ACTR3C: variants seen among roughly 807,000 people sequenced by gnomAD.
The protein encoded by ACTR3C is actin-related protein 3C.
In ACTR3C, 18 loss-of-function variants were observed where a neutral mutation model predicts 26.3. The observed-to-expected ratio is 0.68, with a 90% CI of 0.47 to 1.01. The LOEUF is 1.01. ACTR3C is among the 50% of genes least tolerant of loss of function. The probability of loss-of-function intolerance (pLI) is 0.00; values close to 1 mark genes in which losing one functional copy is unlikely to be tolerated. For synonymous variants in ACTR3C, 55 were observed against 94.5 expected (o/e 0.58, Z 2.42); for missense variants, 184 against 250.7 (o/e 0.73, Z 1.80).
chr7:149,967,028 A>ATTTTTTTTTTT, the ACTR3C span, among the ~76,000 whole-genome samples: 18 of 64,716 alleles, frequency 2.8e-4, 2 homozygotes, highest in South Asian at 2.3e-3. Flanking sequence ...TGCACAGCTA[A>ATTTTTTTTTTT]TTTTTTTTTT....
intron 6 of ACTR3C, among the ~76,000 whole-genome samples, chr7:150,271,282 G>A (rs1366418496): frequency 1.4e-5 from 2 of 146,266 alleles, no homozygotes; most frequent in African/African-American, 5.4e-5. Context: ...GTGGTTTGCT[G>A]CACCCACCAA....
the ACTR3C span, among the ~76,000 whole-genome samples, chr7:150,173,409 T>C: frequency 4.8e-5 from 7 of 146,124 alleles, no homozygotes; most frequent in African/African-American, 1.9e-4. Flanking sequence ...ATGGCTGGAG[T>C]AACTGGGACA....
At chr7:149,896,797 C>T in the ACTR3C span, among the ~76,000 whole-genome samples, 1 of 151,916 alleles carries the variant, frequency 6.6e-6, no homozygotes, top group Non-Finnish European at 1.5e-5. Context: ...CGGTGGCTCA[C>T]GCCTGTAATC....
At chr7:150,168,543 C>A in the ACTR3C span, among the ~76,000 whole-genome samples, 1 of 150,700 alleles carries the variant, frequency 6.6e-6, no homozygotes, top group East Asian at 1.9e-4. Flanking sequence ...TAATAGAGAT[C>A]AAGTGCACAG....
At chr7:150,019,797 C>T in the ACTR3C span, among the ~76,000 whole-genome samples, 2 of 151,864 alleles carry the variant, frequency 1.3e-5, no homozygotes, top group East Asian at 3.9e-4. Context: ...AGATCCTGCA[C>T]GGTGAGAAGT....
At chr7:149,970,831 C>T in the ACTR3C span, among the ~76,000 whole-genome samples, 1 of 152,150 alleles carries the variant, frequency 6.6e-6, no homozygotes, top group African/African-American at 2.4e-5. Context: ...CATGAATAGC[C>T]GTTTCTCTAA....
chr7:150,274,703 C>T lies in ACTR3C; in HGVS notation c.564+10050G>A, dbSNP rs1226123810. 1.3e-5 allele frequency among the ~76,000 whole-genome samples: 2 copies of T among 152,250 alleles called. No individual in the cohort carries two copies. The highest frequency in any genetic ancestry group is 2.9e-5 in the Non-Finnish European group (2 of 68,040). ...CGATGCTAGGAAGCGGCTCAGCCCA[C>T]GTGGAGACCCACGCAGCTTGGCCCT... On this transcript the variant is annotated intron_variant, in intron 6 of 7. Coordinates refer to ENST00000683684, the MANE Select transcript of ACTR3C (RefSeq NM_001164458.2). This position sits in a 1 kb window ranked among gnomAD's most constrained non-coding sequence, Gnocchi z 4.1.
At chr7:150,087,836 C>T in the ACTR3C span, among the ~76,000 whole-genome samples, 102 of 152,192 alleles carry the variant, frequency 6.7e-4, 1 homozygote, top group African/African-American at 2.4e-3. Context: ...TAATGTGCTA[C>T]ATTCAATTAA....
the ACTR3C span, among the ~76,000 whole-genome samples, chr7:150,046,394 G>T: frequency 6.7e-5 from 8 of 118,838 alleles, no homozygotes; most frequent in Non-Finnish European, 1.3e-4. Context: ...AAAGAAATAT[G>T]AAACAGGGAA....
At chr7:150,022,238 CAT>C in the ACTR3C span, among the ~76,000 whole-genome samples, 6 of 140,720 alleles carry the variant, frequency 4.3e-5, no homozygotes, top group Non-Finnish European at 7.6e-5. Flanking sequence ...AGCATTTTTT[CAT>C]ATGTTTGTTG....
chr7:149,929,883 C>T, the ACTR3C span, among the ~76,000 whole-genome samples: 3 of 152,154 alleles, frequency 2.0e-5, no homozygotes, highest in Non-Finnish European at 4.4e-5. Flanking sequence ...GAAGAAACCT[C>T]GTGGACATCA....
chr7:149,906,153 G>T, the ACTR3C span, among the ~76,000 whole-genome samples: 1 of 152,048 alleles, frequency 6.6e-6, no homozygotes, highest in Non-Finnish European at 1.5e-5. Context: ...AGTTATTTAC[G>T]ATGTGATACC....
chr7:150,014,272 A>G, the ACTR3C span, among the ~76,000 whole-genome samples: 8 of 151,994 alleles, frequency 5.3e-5, no homozygotes, highest in African/African-American at 9.7e-5. Flanking sequence ...TGGCTAACAC[A>G]GTGAAACCCC....
chr7:150,037,965 A>T, the ACTR3C span, among the ~76,000 whole-genome samples: 1 of 109,578 alleles, frequency 9.1e-6, no homozygotes, highest in Non-Finnish European at 1.9e-5. Context: ...GAGCCAGGGG[A>T]GGAAAGGGGG....
At chr7:149,929,425 CAAA>C in the ACTR3C span, among the ~76,000 whole-genome samples, 18 of 49,128 alleles carry the variant, frequency 3.7e-4, no homozygotes, top group African/African-American at 1.5e-3. Context: ...AAGATTCTGT[CAAA>C]AAAAAAAAAA....
the ACTR3C span, among the ~76,000 whole-genome samples, chr7:150,054,967 C>T: frequency 1.8e-4 from 27 of 151,856 alleles, no homozygotes; most frequent in African/African-American, 2.7e-4. Flanking sequence ...GAATAGATGC[C>T]GTTTTCTCAA....
At chr7:150,221,998 C>CAAAAAAAAAAAAAAAAAAAAAA in the ACTR3C span, among the ~76,000 whole-genome samples, 14 of 79,796 alleles carry the variant, frequency 1.8e-4, no homozygotes, top group African/African-American at 7.6e-4. Context: ...ACTCCGTCTC[C>CAAAAAAAAAAAAAAAAAAAAAA]AAAAAAAAAA....
At chr7:150,114,867 A>G in the ACTR3C span, among the ~76,000 whole-genome samples, 7 of 152,082 alleles carry the variant, frequency 4.6e-5, no homozygotes, top group Non-Finnish European at 1.0e-4. Flanking sequence ...GAAGTCAGAG[A>G]GGGCTACAGA....
chr7:150,309,571 A>G (rs763281227), intron 1 of ACTR3C, among the ~76,000 whole-genome samples: 27 of 152,184 alleles, frequency 1.8e-4, no homozygotes, highest in Non-Finnish European at 2.9e-4. Flanking sequence ...ACTTCAGAAC[A>G]ACCAAACCAC....
Sources: allele counts gnomAD v4.1 joint callset (sites outside exome capture counted in the v4.1 genomes callset), GRCh38; gene constraint gnomAD v4.1.1; non-coding constraint Gnocchi (gnomAD v3.1); transcripts MANE v1.5; gene names NCBI Gene and HGNC (gene_info 2026-07-23, HGNC 2026-07-21).